CACHD1: variants seen among roughly 807,000 people sequenced by gnomAD.
CACHD1 encodes the protein cache domain containing 1, also known as VWFA and cache domain-containing protein 1.
In CACHD1, 71 loss-of-function variants were observed where a neutral mutation model predicts 138.7. The observed-to-expected ratio is 0.51, with a 90% CI of 0.42 to 0.62. CACHD1 has a LOEUF of 0.62. Ranked by LOEUF, CACHD1 falls within the 20% of genes least tolerant of loss-of-function variation. CACHD1 has a pLI of 0.00. For missense variants in CACHD1, 1,389 were observed against 1,625.3 expected (o/e 0.85, Z 2.50); for synonymous variants, 578 against 591.5 (o/e 0.98, Z 0.33).
At chr1:64,622,006 T>A (rs1335164087) in intron 4 of CACHD1, among the ~76,000 whole-genome samples, 1 of 152,184 alleles carries the variant, frequency 6.6e-6, no homozygotes, top group Non-Finnish European at 1.5e-5. Flanking sequence ...GGCTTTTCAT[T>A]CCCAGTCCAT....
rs556630383 is a variant in CACHD1 at position 64,643,630 on chromosome 1, A to T, written c.1156+1661A>T. ...GGCGGGCGGATCACGAGGTCAGGAG[A>T]TCAAGACCATCCTGGCTAACACGGT... On this transcript the variant is annotated intron_variant, in intron 8 of 26. Transcript: ENST00000651257. Among the ~76,000 whole-genome samples, 22 of 152,242 alleles carry T rather than the reference A, an allele frequency of 1.4e-4. No individual in the cohort carries two copies. The East Asian group carries it at 4.1e-3, about 28-fold the overall frequency.
At chr1:64,566,192 T>C (rs1646879125) in intron 2 of CACHD1, among the ~76,000 whole-genome samples, 1 of 152,202 alleles carries the variant, frequency 6.6e-6, no homozygotes, top group Non-Finnish European at 1.5e-5. Context: ...ATTGTGTATC[T>C]TTCCCTAATA....
chr1:64,474,450 AT>A, intron 1 of CACHD1, among the ~76,000 whole-genome samples: 1 of 152,288 alleles, frequency 6.6e-6, no homozygotes, highest in South Asian at 2.1e-4. Context: ...CTTCCTCAAG[AT>A]TTGCTCTGTG....
chr1:64,654,192 A>C (rs1410814903), intron 11 of CACHD1, among the ~76,000 whole-genome samples: 1 of 152,224 alleles, frequency 6.6e-6, no homozygotes, highest in Non-Finnish European at 1.5e-5. Context: ...ATGATACCAA[A>C]TTGAAAAATG....
At chr1:64,613,627 C>T (rs186383154) in intron 4 of CACHD1, 1 of 152,254 alleles carries the variant, frequency 6.6e-6, no homozygotes, top group East Asian at 1.9e-4. Context: ...ATGTAAACCT[C>T]TTTTTTGAAA....
chr1:64,677,839 G>A (rs539454322), intron 22 of CACHD1, among the ~76,000 whole-genome samples: 1 of 152,040 alleles, frequency 6.6e-6, no homozygotes, highest in Non-Finnish European at 1.5e-5. Flanking sequence ...TGTTAAGCCA[G>A]AGTCTAACAA....
chr1:64,665,435 G>A (rs1649596956), intron 15 of CACHD1, among the ~76,000 whole-genome samples: 1 of 151,972 alleles, frequency 6.6e-6, no homozygotes, highest in African/African-American at 2.4e-5. Flanking sequence ...ACTCCAGCCT[G>A]GGCGATAGAA....
At chr1:64,479,484 T>C (rs1397366682) in intron 1 of CACHD1, among the ~76,000 whole-genome samples, 1 of 152,144 alleles carries the variant, frequency 6.6e-6, no homozygotes, top group Non-Finnish European at 1.5e-5. Flanking sequence ...GCACCTTTGA[T>C]GAGTGGAAAG....
Position 64,691,744 on chromosome 1 carries a change from C to G in CACHD1, c.*183C>G, listed in dbSNP as rs1274124304. 3.3e-6 allele frequency: 2 copies of G among 604,632 alleles called. No individual in the cohort carries two copies. Among genetic ancestry groups the G allele is most frequent in the African/African-American group, 1.9e-5 (1 of 53,900 alleles). The allele number at this position is 604,632 out of a possible 1,614,324, so 37.5% of individuals were successfully genotyped here. ...AACGAGAGAAACAACAACACAGTCA[C>G]ATTTGTGAAGATGTGAGGCTGGTTC... On this transcript the variant is annotated 3_prime_UTR_variant, in exon 27 of 27. Transcript: ENST00000651257.
chr1:64,538,267 AT>A (rs1339278588), intron 1 of CACHD1, among the ~76,000 whole-genome samples: 1 of 152,142 alleles, frequency 6.6e-6, no homozygotes, highest in Non-Finnish European at 1.5e-5. Flanking sequence ...TAAACTCATC[AT>A]TTTCAAGATT....
chr1:64,584,034 C>T (rs916584077), intron 3 of CACHD1, among the ~76,000 whole-genome samples: 11 of 152,102 alleles, frequency 7.2e-5, no homozygotes, highest in Non-Finnish European at 1.5e-4. Context: ...AACCTTACCA[C>T]TATCTAAAAA....
chr1:64,676,972 A>C lies in CACHD1; in HGVS notation c.3053A>C (p.Gln1018Pro), dbSNP rs959309466. ...CCTGGCCTGCAAGATGCTCTTCACC[A>C]GTGTGTCAACAGCAGGTGCAGTCAG... ...IDPGLQDALH[Q>P]CVNSRCSQRL... Residue 1018 changes from glutamine to proline, a missense_variant, in exon 22 of 27, where the codon CAG becomes CCG. Transcript: ENST00000651257. 5 of 1,613,878 alleles carry C rather than the reference A, an allele frequency of 3.1e-6. No individual in the cohort carries two copies. The African/African-American group carries it at 6.7e-5, about 22-fold the overall frequency.
intron 3 of CACHD1, among the ~76,000 whole-genome samples, chr1:64,597,953 C>A (rs956397414): frequency 2.6e-5 from 4 of 152,060 alleles, no homozygotes; most frequent in African/African-American, 9.7e-5. Flanking sequence ...CAAATCAGGG[C>A]GAATAGCATG....
intron 3 of CACHD1, among the ~76,000 whole-genome samples, chr1:64,599,665 C>T (rs1237474003): frequency 6.6e-6 from 1 of 152,116 alleles, no homozygotes; most frequent in Admixed American, 6.5e-5. Context: ...GAGTCACTGT[C>T]ATTTTTATTG....
chr1:64,645,375 A>T (rs1388286987), intron 8 of CACHD1, among the ~76,000 whole-genome samples: 1 of 152,180 alleles, frequency 6.6e-6, no homozygotes, highest in Non-Finnish European at 1.5e-5. Flanking sequence ...GATTGGGGTG[A>T]TTCATACCTC....
intron 8 of CACHD1, among the ~76,000 whole-genome samples, chr1:64,643,607 C>T (rs926925750): frequency 7.2e-5 from 11 of 152,090 alleles, no homozygotes; most frequent in African/African-American, 1.7e-4. Flanking sequence ...GAGGCCAAGG[C>T]GGGCGGATCA....
At chr1:64,586,472 CT>C (rs1647052485) in intron 3 of CACHD1, among the ~76,000 whole-genome samples, 1 of 152,122 alleles carries the variant, frequency 6.6e-6, no homozygotes. Flanking sequence ...ATCTCCTAGT[CT>C]TTTGAAGCAG....
chr1:64,679,991 C>T (rs1650119169), intron 24 of CACHD1, among the ~76,000 whole-genome samples: 2 of 152,210 alleles, frequency 1.3e-5, no homozygotes, highest in Non-Finnish European at 2.9e-5. Flanking sequence ...CCCCCAGTGG[C>T]CTGCCTCTGC....
intron 2 of CACHD1, among the ~76,000 whole-genome samples, chr1:64,580,401 A>T (rs12564200): frequency 0.17 from 26,022 of 152,070 alleles, 2,557 homozygotes; most frequent in Middle Eastern, 0.27. Context: ...GTAACGTGCA[A>T]TTTATCCATG....
Sources: gnomAD v4.1 joint callset for allele counts (sites outside exome capture counted in the v4.1 genomes callset) on GRCh38, gnomAD v4.1.1 for gene constraint, MANE v1.5 for transcripts, NCBI Gene and HGNC (gene_info 2026-07-23, HGNC 2026-07-21) for gene names.